TREML2: variants seen among roughly 807,000 people sequenced by gnomAD.
The protein encoded by TREML2 is triggering receptor expressed on myeloid cells like 2, also known as trem-like transcript 2 protein.
TREML2 carries 24 observed loss-of-function variants against 25.9 expected under a neutral mutation model. That is an observed-to-expected ratio of 0.93 (90% CI 0.67 to 1.30). TREML2 has a LOEUF of 1.30. Among genes scored for constraint, TREML2 ranks in the 50% most tolerant of loss-of-function variants. The pLI is 0.00. For synonymous variants in TREML2, 139 were observed against 155.2 expected, an observed-to-expected ratio of 0.90 and a Z score of 0.77; for missense variants, 359 against 395.6, an observed-to-expected ratio of 0.91 and a Z score of 0.78.
intron 1 of TREML2, among the ~76,000 whole-genome samples, chr6:41,199,603 C>T (rs1007162614): frequency 2.6e-5 from 4 of 152,176 alleles, no homozygotes; most frequent in Non-Finnish European, 4.4e-5. Context: ...TGCAGGGTGA[C>T]TCAGGGGACA....
intron 1 of TREML2, among the ~76,000 whole-genome samples, chr6:41,199,158 G>A (rs573548070): frequency 2.0e-5 from 3 of 152,156 alleles, no homozygotes; most frequent in Admixed American, 6.5e-5. Flanking sequence ...CACTGTGCCC[G>A]GCATCCCAGG....
Position 41,201,145 on chromosome 6 carries a change from AGT to A in TREML2, c.-139_-138del. The A allele has an allele frequency of 1.0e-6, 1 of 999,894 alleles. No homozygotes were observed. Among genetic ancestry groups the A allele is most frequent in the Non-Finnish European group, 1.6e-6 (1 of 624,066 alleles). The allele number at this position is 999,894 out of a possible 1,614,324, so 61.9% of individuals were successfully genotyped here. A position where few individuals can be genotyped will look rare whatever the true frequency, so the allele number is the denominator to read the frequency against. ...AGCTGCCCATTTAGGGAAGTGAGGC[AGT>A]GTGGGACCCACTGCCCCCAGCCAAC... is the stretch of plus-strand genomic sequence containing the variant. On this transcript the variant is annotated 5_prime_UTR_variant, in exon 1 of 5. Transcript: ENST00000483722.
intron 3 of TREML2, among the ~76,000 whole-genome samples, chr6:41,194,064 A>C (rs1582096135): frequency 8.2e-6 from 1 of 122,350 alleles, no homozygotes; most frequent in Admixed American, 8.3e-5. Context: ...ACTGACCCTC[A>C]TCCTTCCTGA....
chr6:41,192,973 C>T (rs1023559271), intron 3 of TREML2, 72 bp from the exon 4 acceptor site: 29 of 1,289,380 alleles, frequency 2.2e-5, no homozygotes, highest in Non-Finnish European at 2.8e-5. Context: ...TGGGATCGGA[C>T]CAGCAGCAGA....
rs112115261 is a variant in TREML2, at chr6:41,192,772, C to T, written c.886+29G>A. The T allele has an allele frequency of 9.3e-4, 1,479 of 1,591,734 alleles. 13 individuals carry two copies. In the African/African-American group the frequency reaches 0.017, roughly 19 times the overall value. On this transcript the variant is annotated intron_variant, in intron 4 of 4. Coordinates refer to ENST00000483722, the MANE Select transcript of TREML2 (RefSeq NM_024807.4). The stretch of plus-strand genomic sequence containing the variant: ...GTGCAGTTACCCAGAGCTCTGCCCT[C>T]AGGAGGCTGGGAGGTGGGCTCTACT...
intron 1 of TREML2, 125 bp from the exon 2 acceptor site, chr6:41,198,554 A>AG: frequency 9.2e-7 from 1 of 1,085,306 alleles, no homozygotes; most frequent in Non-Finnish European, 1.3e-6. Flanking sequence ...CCACAGATTG[A>AG]GGGGGAAATA....
intron 3 of TREML2, 33 bp from the exon 4 acceptor site, chr6:41,192,934 G>C (rs1238608673): frequency 6.7e-7 from 1 of 1,501,966 alleles, no homozygotes; most frequent in Non-Finnish European, 8.9e-7. Context: ...AAGCGGGTGA[G>C]CACCAAGGTC....
At chr6:41,194,313 C>T (rs1766118501) in intron 3 of TREML2, 112 bp downstream of exon 3, 5 of 1,106,640 alleles carry the variant, frequency 4.5e-6, no homozygotes, top group Non-Finnish European at 6.3e-6. Context: ...CAGAAGCAGG[C>T]CACATTGGGT....
At chr6:41,193,535 G>A (rs1302938197) in intron 3 of TREML2, among the ~76,000 whole-genome samples, 2 of 151,984 alleles carry the variant, frequency 1.3e-5, no homozygotes, top group African/African-American at 4.8e-5. Flanking sequence ...CAGCTGCTTG[G>A]TTAAGTACTC....
In TREML2 at chr6:41,198,288, C is replaced by T. The variant is rs192414126; in HGVS notation, c.197G>A (p.Gly66Asp). The T allele has an allele frequency of 5.0e-6, 8 of 1,614,202 alleles. No homozygotes were observed. In the African/African-American group the frequency reaches 6.7e-5, roughly 13 times the overall value. Residue 66 changes from glycine to aspartate, a missense_variant, in exon 2 of 5, where the codon GGC (glycine) becomes GAC (aspartate). By Grantham distance (94) the Gly-to-Asp change is moderately conservative. Coordinates refer to ENST00000483722, the MANE Select transcript of TREML2 (RefSeq NM_024807.4). Reference sequence around the variant, plus strand: ...CCCTTTCACCCAGACTCGGGCAAAGCCAGGCTCACACTTCTTCTTCCTGAT... The same window carrying T: ...CCCTTTCACCCAGACTCGGGCAAAGTCAGGCTCACACTTCTTCTTCCTGAT... ...CKIRKKKCEP[G>D]FARVWVKGPR...
chr6:41,195,391 C>A (rs1167814134), intron 2 of TREML2, among the ~76,000 whole-genome samples: 6 of 152,078 alleles, frequency 3.9e-5, no homozygotes. Context: ...CTAGAAGAAG[C>A]CTGGGTTTTG....
At position 41,191,825 on chromosome 6, in the gene TREML2, A is replaced by C. The variant is rs1423878234; in HGVS notation, c.*602T>G. 6.5e-6 allele frequency: 1 copy of C among 154,458 alleles called. No individual in the cohort carries two copies. The highest frequency in any genetic ancestry group is 6.4e-5 in the Admixed American group (1 of 15,670). The allele number at this position is 154,458 out of a possible 1,614,324, so 9.6% of individuals were successfully genotyped here. A position where few individuals can be genotyped will look rare whatever the true frequency, so the allele number is the denominator to read the frequency against. ...CAGGACAGGAGGGAGGAGCAGCCCCAGTCAGGGCAGGGCCATCCAGAGGCC... is the reference window on the plus strand; with the variant it reads ...CAGGACAGGAGGGAGGAGCAGCCCCCGTCAGGGCAGGGCCATCCAGAGGCC... On this transcript the variant is annotated 3_prime_UTR_variant, in exon 5 of 5. Transcript: ENST00000483722.
At chr6:41,200,511 T>C (rs893031576) in intron 1 of TREML2, among the ~76,000 whole-genome samples, 2 of 152,186 alleles carry the variant, frequency 1.3e-5, no homozygotes, top group African/African-American at 4.8e-5. Context: ...GGGAAAGGCA[T>C]TCACACACTG....
chr6:41,195,603 A>G (rs1766146475), intron 2 of TREML2, among the ~76,000 whole-genome samples: 1 of 152,142 alleles, frequency 6.6e-6, no homozygotes, highest in African/African-American at 2.4e-5. Context: ...GGAGAAGGGG[A>G]CCCAGAACAA....
In TREML2 at chr6:41,189,982, C is replaced by G. The variant is rs188842208; in HGVS notation, c.*2445G>C. ...ACTTACTCCATATTGCTTTGTTCCCCTTACTGCACATGTCAGGGGATGAAA... is the reference window on the plus strand; with the variant it reads ...ACTTACTCCATATTGCTTTGTTCCCGTTACTGCACATGTCAGGGGATGAAA... On this transcript the variant is annotated 3_prime_UTR_variant, in exon 5 of 5. Transcript: ENST00000483722. 1.3e-5 allele frequency among the ~76,000 whole-genome samples: 2 copies of G among 152,126 alleles called. No individual in the cohort carries two copies. Among genetic ancestry groups the G allele is most frequent in the African/African-American group, 4.8e-5 (2 of 41,426 alleles).
rs1300523862 is a variant in TREML2 at position 41,198,164 on chromosome 6, G to A, written c.321C>T (p.Arg107=). 29 of 1,613,654 alleles carry A rather than the reference G, an allele frequency of 1.8e-5. No individual in the cohort carries two copies. Among genetic ancestry groups the A allele is most frequent in the Non-Finnish European group, 2.4e-5 (28 of 1,179,688 alleles). Reference sequence around the variant, plus strand: ...AGGGGTACAGGATCCCAGAGGTGTTGCGCATGCACCAGTATCGGCCTGAGT... The same window carrying A: ...AGGGGTACAGGATCCCAGAGGTGTTACGCATGCACCAGTATCGGCCTGAGT... The part of the protein sequence containing the change: ...LQDSGRYWCM[R]NTSGILYPLM... The change falls in exon 2 of 5, where the codon CGC becomes CGT. Residue 107 remains arginine (R), a synonymous_variant. Coordinates refer to ENST00000483722, the MANE Select transcript of TREML2 (RefSeq NM_024807.4).
At chr6:41,198,039 C>G in intron 2 of TREML2, 70 bp downstream of exon 2, 1 of 1,399,532 alleles carries the variant, frequency 7.1e-7, no homozygotes, top group Non-Finnish European at 9.6e-7. Flanking sequence ...CTTATTATCT[C>G]TGATGTTAGT....
At position 41,192,270 on chromosome 6, in the gene TREML2, T is replaced by A. The variant is rs1766078432; in HGVS notation, c.*157A>T. The A allele has an allele frequency of 4.6e-6, 3 of 655,552 alleles. No homozygotes were observed. Among genetic ancestry groups the A allele is most frequent in the African/African-American group, 3.6e-5 (2 of 55,782 alleles). 40.6% of individuals were successfully genotyped at this position (655,552 alleles called of 1,614,324 possible). On this transcript the variant is annotated 3_prime_UTR_variant, in exon 5 of 5. Transcript: ENST00000483722. ...GAGAACACTGGGCTGTGGGGCTGCT[T>A]AGGATGGCAGCCTCTGGGTTTGGGA...
At chr6:41,193,769 T>C (rs1373003536) in intron 3 of TREML2, among the ~76,000 whole-genome samples, 1 of 150,670 alleles carries the variant, frequency 6.6e-6, no homozygotes, top group Non-Finnish European at 1.5e-5. Context: ...CATGCTCATC[T>C]CTGACTCTCA....
Sources: allele counts gnomAD v4.1 joint callset (sites outside exome capture counted in the v4.1 genomes callset), GRCh38; gene constraint gnomAD v4.1.1; transcripts MANE v1.5; gene names NCBI Gene and HGNC (gene_info 2026-07-23, HGNC 2026-07-21).